The following CEP85L variants were observed in gnomAD, a reference collection of about 807,000 sequenced individuals.
The protein encoded by CEP85L is centrosomal protein of 85 kDa-like.
Under a neutral mutation model 100.3 loss-of-function variants are expected in CEP85L, and 60 were observed. The ratio of observed to expected loss-of-function variants is 0.60; its 90% confidence interval spans 0.49 to 0.74. The LOEUF is 0.74. Among genes scored for constraint, CEP85L ranks in the 30% least tolerant of loss-of-function variants. CEP85L has a pLI of 0.00. For synonymous variants in CEP85L, 319 were observed against 322.7 expected, an observed-to-expected ratio of 0.99 and a Z score of 0.12; for missense variants, 973 against 936.2, an observed-to-expected ratio of 1.04 and a Z score of -0.51.
chr6:118,465,295 G>T lies in CEP85L; in HGVS notation c.*110C>A. ...TCCCCTTCAACAAAACAAATCCACAGAAAAAAAATCCCTAAGTGCAAGTCA... is the reference window on the plus strand; with the variant it reads ...TCCCCTTCAACAAAACAAATCCACATAAAAAAAATCCCTAAGTGCAAGTCA... On this transcript the variant is annotated 3_prime_UTR_variant, in exon 13 of 13. Transcript: ENST00000368491. 1.0e-6 allele frequency: 1 copy of T among 991,540 alleles called. No individual in the cohort carries two copies. Among genetic ancestry groups the T allele is most frequent in the Non-Finnish European group, 1.4e-6 (1 of 704,148 alleles). The allele number at this position is 991,540 out of a possible 1,614,324, so 61.4% of individuals were successfully genotyped here. A position where few individuals can be genotyped will look rare whatever the true frequency, so the allele number is the denominator to read the frequency against.
At chr6:118,605,809 G>A (rs1041158636) in intron 2 of CEP85L, among the ~76,000 whole-genome samples, 5 of 152,038 alleles carry the variant, frequency 3.3e-5, no homozygotes, top group African/African-American at 7.2e-5. Context: ...TCAGGAGATC[G>A]AGGCCATCCT....
At chr6:118,589,279 C>G (rs1781042608) in intron 2 of CEP85L, 2 of 232,362 alleles carry the variant, frequency 8.6e-6, no homozygotes. Context: ...TCCCAACTTT[C>G]ATGTACAATA....
intron 5 of CEP85L, among the ~76,000 whole-genome samples, chr6:118,492,330 T>C (rs1048052771): frequency 2.0e-5 from 3 of 152,160 alleles, no homozygotes; most frequent in East Asian, 3.8e-4. Context: ...TATGTATTAA[T>C]AGAATGTTTC....
chr6:118,523,667 AG>A (rs1776791027), intron 4 of CEP85L, 134 bp downstream of exon 4: 1 of 472,530 alleles, frequency 2.1e-6, no homozygotes, highest in Non-Finnish European at 3.7e-6. Flanking sequence ...GGGATTGAGG[AG>A]GGGCAGAGAT....
At position 118,535,289 on chromosome 6, in the gene CEP85L, G is replaced by T. The variant is rs139460762; in HGVS notation, c.1021-11369C>A. On this transcript the variant is annotated intron_variant, in intron 3 of 12. Transcript: ENST00000368491. The stretch of plus-strand genomic sequence containing the variant: ...AAAGTGAAAGAAACCACACTCAAAG[G>T]CTATCAACTATCTGATTCTATACAT... Among the ~76,000 whole-genome samples, 4 of 152,192 alleles carry T rather than the reference G, an allele frequency of 2.6e-5. No homozygotes were observed. In the East Asian group the frequency reaches 7.7e-4, roughly 29 times the overall value.
intron 2 of CEP85L, among the ~76,000 whole-genome samples, chr6:118,594,114 A>G (rs1385669080): frequency 1.3e-5 from 2 of 152,174 alleles, no homozygotes. Flanking sequence ...TAGACTTCAT[A>G]TATACAATGA....
intron 3 of CEP85L, chr6:118,558,914 C>A: frequency 6.2e-7 from 1 of 1,612,550 alleles, no homozygotes; most frequent in Non-Finnish European, 8.5e-7. Flanking sequence ...TCCTGTCCTG[C>A]TGGTATCATG....
At chr6:118,568,988 G>A (rs1779711046) in intron 2 of CEP85L, among the ~76,000 whole-genome samples, 1 of 151,862 alleles carries the variant, frequency 6.6e-6, no homozygotes, top group Non-Finnish European at 1.5e-5. Context: ...TCAAGTTGCA[G>A]GTAAAAATAC....
chr6:118,609,291 T>C (rs979479578), intron 2 of CEP85L, among the ~76,000 whole-genome samples: 6 of 152,186 alleles, frequency 3.9e-5, no homozygotes, highest in African/African-American at 1.4e-4. Flanking sequence ...TTGCTCCATA[T>C]AATTTTTCAA....
At chr6:118,702,913 A>G (rs60169580) in intron 1 of CEP85L, among the ~76,000 whole-genome samples, 2,551 of 150,822 alleles carry the variant, frequency 0.017, 79 homozygotes, top group African/African-American at 0.059. Flanking sequence ...GGAGAATGGC[A>G]TGAACCTGGG....
At chr6:118,557,598 A>G (rs1164791537) in intron 3 of CEP85L, among the ~76,000 whole-genome samples, 1 of 152,150 alleles carries the variant, frequency 6.6e-6, no homozygotes, top group African/African-American at 2.4e-5. Flanking sequence ...ACATGAGTGT[A>G]TCCTGTGATG....
At chr6:118,555,647 C>T (rs503031) in intron 3 of CEP85L, among the ~76,000 whole-genome samples, 145,724 of 152,258 alleles carry the variant, frequency 0.96, 69,757 homozygotes, top group South Asian at 0.97. Flanking sequence ...GCTGCTATGT[C>T]CCTTATTTTT....
intron 2 of CEP85L, among the ~76,000 whole-genome samples, chr6:118,576,598 T>C (rs1330987294): frequency 6.6e-6 from 1 of 152,232 alleles, no homozygotes; most frequent in Non-Finnish European, 1.5e-5. Context: ...TACAGAAAAG[T>C]ACTTCTGCCC....
intron 6 of CEP85L, chr6:118,491,422 G>A (rs1774564071): frequency 9.0e-7 from 1 of 1,110,712 alleles, no homozygotes; most frequent in Non-Finnish European, 1.1e-6. Flanking sequence ...AGGAAAAGGA[G>A]AACAGTTATT....
At chr6:118,628,481 G>A (rs544073189) in intron 2 of CEP85L, among the ~76,000 whole-genome samples, 1 of 151,862 alleles carries the variant, frequency 6.6e-6, no homozygotes, top group African/African-American at 2.4e-5. Context: ...TATGTCAACA[G>A]AAACTCTTAA....
chr6:118,602,115 T>C (rs1236049981), intron 2 of CEP85L, among the ~76,000 whole-genome samples: 4 of 152,164 alleles, frequency 2.6e-5, no homozygotes, highest in South Asian at 2.1e-4. Flanking sequence ...ATCCATCTTC[T>C]TCTGTAACTT....
chr6:118,706,683 C>T (rs1777601437), intron 1 of CEP85L, among the ~76,000 whole-genome samples: 1 of 152,178 alleles, frequency 6.6e-6, no homozygotes, highest in Non-Finnish European at 1.5e-5. Flanking sequence ...CTTGAGATAT[C>T]AGGAAACGCC....
chr6:118,471,624 T>C (rs1470380877), intron 10 of CEP85L, among the ~76,000 whole-genome samples: 1 of 152,040 alleles, frequency 6.6e-6, no homozygotes, highest in Non-Finnish European at 1.5e-5. Flanking sequence ...ATACTCAAAC[T>C]TGTTGCTTTT....
Position 118,463,484 on chromosome 6 carries a change from GT to G in CEP85L, c.*1920del. 6.6e-6 allele frequency: 1 copy of G among 151,940 alleles called. No individual in the cohort carries two copies. The highest frequency in any genetic ancestry group is 1.9e-4 in the East Asian group (1 of 5,190). 9.4% of individuals were successfully genotyped at this position (151,940 alleles called of 1,614,324 possible). ...TGATCTATTTTAGACGTTATTATCT[GT>G]TTTACCATAAAGGACCAAGGCAGAA... is the stretch of plus-strand genomic sequence containing the variant. On this transcript the variant is annotated 3_prime_UTR_variant, in exon 13 of 13. Transcript: ENST00000368491.
Sources: allele counts gnomAD v4.1 joint callset (sites outside exome capture counted in the v4.1 genomes callset), GRCh38; gene constraint gnomAD v4.1.1; transcripts MANE v1.5; gene names NCBI Gene and HGNC (gene_info 2026-07-23, HGNC 2026-07-21).